Variants in SELP observed in about 807,000 individuals in gnomAD.
SELP encodes the protein P-selectin.
SELP carries 92 observed loss-of-function variants against 104.1 expected under a neutral mutation model. The observed-to-expected ratio is 0.88, with a 90% confidence interval of 0.75 to 1.05. SELP has a LOEUF of 1.05. Among genes scored for constraint, SELP ranks in the 50% least tolerant of loss-of-function variants. The pLI, the probability that SELP is intolerant of heterozygous loss-of-function variation, is 0.00. For missense variants in SELP, 1,022 were observed against 1,017.3 expected (o/e 1.00, Z -0.06); for synonymous variants, 397 against 364.5 (o/e 1.09, Z -1.01).
At chr1:169,615,816 C>T (rs1035491179) in intron 3 of SELP, among the ~76,000 whole-genome samples, 2 of 152,168 alleles carry the variant, frequency 1.3e-5, no homozygotes, top group African/African-American at 4.8e-5. Flanking sequence ...ATGTAGAAGG[C>T]TTGCTTTATT....
chr1:169,609,476 C>G lies in SELP; in HGVS notation c.1333+28G>C, dbSNP rs369562006. 52 of 1,593,602 alleles carry G rather than the reference C, an allele frequency of 3.3e-5. No homozygotes were observed. The African/African-American group carries it at 6.6e-4, about 20-fold the overall frequency. Reference sequence around the variant, plus strand: ...GATGCCTCTAACGAGCTGAGACACACAGAAAAACATTACCACTGTTACAGT... The same window carrying G: ...GATGCCTCTAACGAGCTGAGACACAGAGAAAAACATTACCACTGTTACAGT... On this transcript the variant is annotated intron_variant, in intron 8 of 16. Coordinates refer to ENST00000263686, the MANE Select transcript of SELP (RefSeq NM_003005.4).
intron 1 of SELP, among the ~76,000 whole-genome samples, chr1:169,622,584 T>C (rs1557974303): frequency 6.6e-6 from 1 of 152,210 alleles, no homozygotes; most frequent in Admixed American, 6.5e-5. Context: ...GCAATTTAAA[T>C]ATAAAGGTTT....
chr1:169,618,134 T>A (rs1662917277), intron 2 of SELP, among the ~76,000 whole-genome samples: 1 of 152,298 alleles, frequency 6.6e-6, no homozygotes, highest in Non-Finnish European at 1.5e-5. Context: ...TCCGACGGTG[T>A]TTTCTTTTTA....
chr1:169,598,431 C>T (rs962749863), intron 10 of SELP, among the ~76,000 whole-genome samples: 1 of 152,136 alleles, frequency 6.6e-6, no homozygotes, highest in Admixed American at 6.5e-5. Context: ...CATACTGGCC[C>T]ATGTATTTTT....
chr1:169,614,261 C>T (rs902727849), intron 3 of SELP, among the ~76,000 whole-genome samples: 17 of 152,134 alleles, frequency 1.1e-4, no homozygotes, highest in Admixed American at 6.5e-4. Flanking sequence ...AGTGGAGAAA[C>T]AGAGGAGCCA....
chr1:169,609,429 G>A (rs1662376903), intron 8 of SELP, 75 bp downstream of exon 8: 1 of 1,380,806 alleles, frequency 7.2e-7, no homozygotes, highest in Admixed American at 2.2e-5. Flanking sequence ...AGAAAGGCAT[G>A]CCAATGCTCA....
At chr1:169,601,801 G>A (rs1229919220) in intron 10 of SELP, among the ~76,000 whole-genome samples, 1 of 152,088 alleles carries the variant, frequency 6.6e-6, no homozygotes, top group Non-Finnish European at 1.5e-5. Context: ...TTTAAAATGG[G>A]CATAGTAATA....
rs1356280078 is a variant in SELP at position 169,597,166 on chromosome 1, G to A, written c.1716C>T (p.Cys572=). The A allele has an allele frequency of 6.3e-7, 1 of 1,592,910 alleles. No individual in the cohort carries two copies. Residue 572 remains cysteine, a synonymous_variant, in exon 11 of 17, where the codon TGC becomes TGT. Transcript: ENST00000263686. ...CCTGCTCTGGGGCAAAGAGTTCTGG[G>A]CACTTGATGGCTAGAGTATCAAATT... The part of the protein sequence containing the change: ...DSPPMCEAIK[C]PELFAPEQGS...
At chr1:169,599,157 T>G (rs1018822108) in intron 10 of SELP, among the ~76,000 whole-genome samples, 2 of 152,100 alleles carry the variant, frequency 1.3e-5, no homozygotes, top group African/African-American at 4.8e-5. Context: ...GCAGCCTAGA[T>G]GAGTTACATG....
intron 14 of SELP, chr1:169,591,700 T>C (rs972747725): frequency 2.8e-5 from 9 of 321,510 alleles, no homozygotes; most frequent in African/African-American, 6.6e-5. Context: ...TTTCAGTAAA[T>C]ACATAAATCA....
chr1:169,594,672 A>T lies in SELP; in HGVS notation c.2287+20T>A, dbSNP rs1158173382. ...ATTTTCCACATCAAAGTGACTTCTT[A>T]ACCCACATGAAAATTGTACCTTGGC... On this transcript the variant is annotated intron_variant, in intron 13 of 16. Transcript: ENST00000263686. 3 of 1,608,892 alleles carry T rather than the reference A, an allele frequency of 1.9e-6. No individual in the cohort carries two copies. The highest frequency in any genetic ancestry group is 2.6e-6 in the Non-Finnish European group (3 of 1,176,370).
intron 9 of SELP, among the ~76,000 whole-genome samples, chr1:169,605,492 GTGT>G (rs1407453699): frequency 5.2e-4 from 78 of 149,930 alleles, no homozygotes; most frequent in Middle Eastern, 6.9e-3. Context: ...TGTGTGGGGG[GTGT>G]GTGTGTGTGT....
At chr1:169,601,668 G>C (rs1164655423) in intron 10 of SELP, among the ~76,000 whole-genome samples, 4 of 152,160 alleles carry the variant, frequency 2.6e-5, no homozygotes, top group Non-Finnish European at 5.9e-5. Flanking sequence ...TGATAGTGTA[G>C]TTCAGTGGTC....
intron 1 of SELP, among the ~76,000 whole-genome samples, chr1:169,622,752 T>C (rs1221684994): frequency 6.6e-6 from 1 of 152,180 alleles, no homozygotes; most frequent in Non-Finnish European, 1.5e-5. Flanking sequence ...CAAAGAAGTA[T>C]AATAATCAAG....
chr1:169,607,221 A>AATCCCTGTTCTTG, intron 8 of SELP, 87 bp from the exon 9 acceptor site: 1 of 1,121,212 alleles, frequency 8.9e-7, no homozygotes, highest in Non-Finnish European at 1.2e-6. Flanking sequence ...TAGTGTCAAG[A>AATCCCTGTTCTTG]ACAGGGATTC....
intron 13 of SELP, among the ~76,000 whole-genome samples, 155 bp from the exon 14 acceptor site, chr1:169,593,879 G>A (rs1019474826): frequency 7.2e-5 from 11 of 152,166 alleles, no homozygotes; most frequent in African/African-American, 2.4e-4. Context: ...CATGAAAGAA[G>A]ATCTGGAATT....
chr1:169,620,379 C>CTTTTTTTTTT (rs10603647), intron 1 of SELP, among the ~76,000 whole-genome samples: 2 of 130,250 alleles, frequency 1.5e-5, no homozygotes, highest in African/African-American at 2.9e-5. Context: ...TTCCACTGTA[C>CTTTTTTTTTT]TTTTTTTTTT....
intron 1 of SELP, among the ~76,000 whole-genome samples, chr1:169,621,647 T>C (rs569502917): frequency 1.9e-4 from 29 of 152,222 alleles, no homozygotes; most frequent in Admixed American, 5.2e-4. Flanking sequence ...TCCCAGAGAG[T>C]AGAGTTATCT....
At chr1:169,601,041 C>A (rs1248569201) in intron 10 of SELP, among the ~76,000 whole-genome samples, 1 of 152,076 alleles carries the variant, frequency 6.6e-6, no homozygotes, top group East Asian at 1.9e-4. Flanking sequence ...GATTTAGCAG[C>A]CATGTTGGTT....
Sources: allele counts gnomAD v4.1 joint callset (sites outside exome capture counted in the v4.1 genomes callset), GRCh38; gene constraint gnomAD v4.1.1; transcripts MANE v1.5; gene names NCBI Gene and HGNC (gene_info 2026-07-23, HGNC 2026-07-21).